TRMT11: variants seen among roughly 807,000 people sequenced by gnomAD.
The protein encoded by TRMT11 is tRNA (guanine(10)-N(2))-methyltransferase TRMT11.
Under a neutral mutation model 62.8 loss-of-function variants are expected in TRMT11, and 53 were observed. The observed-to-expected ratio is 0.84, with a 90% confidence interval of 0.68 to 1.06. The LOEUF (loss-of-function observed/expected upper bound fraction) is 1.06, where lower values mean the gene tolerates loss of function less well. Among genes scored for constraint, TRMT11 ranks in the 50% least tolerant of loss-of-function variants. The pLI is 0.00. For synonymous variants in TRMT11, 188 were observed against 190.3 expected, an observed-to-expected ratio of 0.99 and a Z score of 0.10; for missense variants, 556 against 553.4, an observed-to-expected ratio of 1.00 and a Z score of -0.05.
At chr6:126,046,968 A>G (rs1022337506) in intron 16 of TRMT11, among the ~76,000 whole-genome samples, 4 of 152,148 alleles carry the variant, frequency 2.6e-5, no homozygotes, top group African/African-American at 9.7e-5. Flanking sequence ...TTTGAGCTAT[A>G]GAATATCCTG....
At chr6:126,041,227 G>A (rs552032002), downstream of TRMT11, among the ~76,000 whole-genome samples, 1 of 152,128 alleles carries the variant, frequency 6.6e-6, no homozygotes, top group East Asian at 1.9e-4. Context: ...GTAGGGGAAA[G>A]TAGAGTATGT....
In TRMT11 at chr6:125,999,469, C is replaced by A; in HGVS notation, c.535C>A (p.Gln179Lys). The stretch of plus-strand genomic sequence containing the variant: ...ATCTCTGATTTAGATTGCAGATGGA[C>A]AGAGAGAGCTTATTGAGTCATACAG... The part of the protein sequence containing the change: ...IYFGRWIADG[Q>K]RELIESYSVK... The change falls in exon 7 of 13, where the codon CAG becomes AAG. Residue 179 changes from glutamine (Q) to lysine (K), a missense_variant. Coordinates refer to ENST00000334379, the MANE Select transcript of TRMT11 (RefSeq NM_001031712.3). The A allele has an allele frequency of 6.2e-7, 1 of 1,600,868 alleles. No homozygotes were observed. The highest frequency in any genetic ancestry group is 1.1e-5 in the South Asian group (1 of 88,784).
chr6:126,239,206 C>T, the TRMT11 span, among the ~76,000 whole-genome samples: 1 of 152,164 alleles, frequency 6.6e-6, no homozygotes, highest in East Asian at 1.9e-4. Context: ...AGCCTATTTA[C>T]ATTTAAGGTT....
intron 12 of TRMT11, among the ~76,000 whole-genome samples, chr6:126,032,604 T>A (rs892901768): frequency 2.0e-5 from 3 of 152,172 alleles, no homozygotes; most frequent in Non-Finnish European, 2.9e-5. Context: ...TCTTGTCCTT[T>A]CCCTTCACCG....
the TRMT11 span, among the ~76,000 whole-genome samples, chr6:126,240,354 T>A: frequency 1.3e-5 from 2 of 152,186 alleles, no homozygotes; most frequent in Admixed American, 6.5e-5. Context: ...CTACCTTTGG[T>A]CTTTGATGAT....
chr6:126,108,081 T>C (rs1021909432), intron 17 of TRMT11, among the ~76,000 whole-genome samples: 7 of 152,188 alleles, frequency 4.6e-5, no homozygotes, highest in Non-Finnish European at 8.8e-5. Context: ...CATATTCAAA[T>C]ATTCTTCCCT....
intron 1 of TRMT11, among the ~76,000 whole-genome samples, chr6:126,196,159 TA>T (rs1778664354): frequency 6.6e-6 from 1 of 152,180 alleles, no homozygotes; most frequent in Non-Finnish European, 1.5e-5. Context: ...AGTCAAAAAC[TA>T]TCCAGGTGGT....
chr6:126,041,189 C>A (rs938453818), downstream of TRMT11, among the ~76,000 whole-genome samples: 1 of 152,018 alleles, frequency 6.6e-6, no homozygotes, highest in Non-Finnish European at 1.5e-5. Context: ...AAACAAAAAA[C>A]AACAACAACA....
At chr6:126,041,277 T>A (rs1343162354), downstream of TRMT11, among the ~76,000 whole-genome samples, 1 of 152,146 alleles carries the variant, frequency 6.6e-6, no homozygotes, top group African/African-American at 2.4e-5. Context: ...TGTGTTTATT[T>A]TATTGGGTTA....
At position 126,008,477 on chromosome 6, in the gene TRMT11, G is replaced by A. The variant is rs1793692814; in HGVS notation, c.760+5G>A. On this transcript the variant is annotated splice_donor_5th_base_variant and intron_variant, in intron 8 of 12. Coordinates refer to ENST00000334379, the MANE Select transcript of TRMT11 (RefSeq NM_001031712.3). Reference sequence around the variant, plus strand: ...ACAACACAGTTCATGGCTTGGGTGAGTAGAGATTATAGACAGTATTATAGT... The same window carrying A: ...ACAACACAGTTCATGGCTTGGGTGAATAGAGATTATAGACAGTATTATAGT... The A allele has an allele frequency of 6.2e-7, 1 of 1,610,340 alleles. No individual in the cohort carries two copies. The highest frequency in any genetic ancestry group is 8.5e-7 in the Non-Finnish European group (1 of 1,176,814).
chr6:126,222,062 T>C, the TRMT11 span, among the ~76,000 whole-genome samples: 5 of 152,344 alleles, frequency 3.3e-5, no homozygotes, highest in African/African-American at 9.6e-5. Context: ...ATTTATTGAA[T>C]AGGGAGTCCT....
chr6:126,193,444 G>A (rs1778626706), intron 1 of TRMT11, among the ~76,000 whole-genome samples: 1 of 141,446 alleles, frequency 7.1e-6, no homozygotes, highest in South Asian at 2.2e-4. Flanking sequence ...TGCTTTTCTA[G>A]TTCTTTTAAG....
chr6:125,988,135 A>G (rs948445141), intron 1 of TRMT11, among the ~76,000 whole-genome samples: 3 of 152,234 alleles, frequency 2.0e-5, no homozygotes, highest in Non-Finnish European at 4.4e-5. Flanking sequence ...TTTAGGAAGC[A>G]GGGACAAATG....
chr6:126,257,836 C>T, the TRMT11 span: 1 of 1,021,336 alleles, frequency 9.8e-7, no homozygotes, highest in South Asian at 1.3e-5. Flanking sequence ...TGAGCCTGGC[C>T]ACAGGGTCCG....
At chr6:125,996,368 A>G (rs1791511207) in intron 3 of TRMT11, among the ~76,000 whole-genome samples, 1 of 152,200 alleles carries the variant, frequency 6.6e-6, no homozygotes, top group South Asian at 2.1e-4. Flanking sequence ...GAAAATCCAA[A>G]AATACTTTTT....
intron 17 of TRMT11, among the ~76,000 whole-genome samples, chr6:126,083,824 A>G (rs563508912): frequency 5.4e-4 from 82 of 152,184 alleles, no homozygotes; most frequent in Admixed American, 8.5e-4. Flanking sequence ...CTCTTTCTGT[A>G]TATTTGATTT....
At chr6:126,109,013 T>A (rs190365190) in intron 17 of TRMT11, among the ~76,000 whole-genome samples, 4 of 152,314 alleles carry the variant, frequency 2.6e-5, no homozygotes, top group African/African-American at 7.2e-5. Context: ...ATATCCTAAT[T>A]GTTAATGTTT....
At chr6:125,994,667 T>C (rs1354907177) in intron 2 of TRMT11, among the ~76,000 whole-genome samples, 1 of 152,232 alleles carries the variant, frequency 6.6e-6, no homozygotes, top group Admixed American at 6.5e-5. Context: ...CATATGTTCA[T>C]TGCAGCACTA....
At chr6:126,255,690 T>C in the TRMT11 span, among the ~76,000 whole-genome samples, 2 of 152,212 alleles carry the variant, frequency 1.3e-5, no homozygotes, top group Non-Finnish European at 2.9e-5. Flanking sequence ...CTTGGGCTCC[T>C]GGACTAATTT....
Sources: allele counts gnomAD v4.1 joint callset (sites outside exome capture counted in the v4.1 genomes callset), GRCh38; gene constraint gnomAD v4.1.1; transcripts MANE v1.5; gene names NCBI Gene and HGNC (gene_info 2026-07-23, HGNC 2026-07-21).